FER: variants seen among roughly 807,000 people sequenced by gnomAD.
FER encodes the protein FER tyrosine kinase, also known as tyrosine-protein kinase Fer.
FER carries 63 observed loss-of-function variants against 111.0 expected under a neutral mutation model. That is an observed-to-expected ratio of 0.57 (90% CI 0.46 to 0.70). The LOEUF (loss-of-function observed/expected upper bound fraction) is 0.70, where lower values mean the gene tolerates loss of function less well. Among genes scored for constraint, FER ranks in the 30% least tolerant of loss-of-function variants. FER has a pLI of 0.00. For synonymous variants in FER, 327 were observed against 313.9 expected (o/e 1.04, Z -0.44); for missense variants, 914 against 954.0 (o/e 0.96, Z 0.55).
intron 11 of FER, 137 bp downstream of exon 11, chr5:108,946,359 G>A: frequency 1.9e-6 from 1 of 530,180 alleles, no homozygotes; most frequent in Non-Finnish European, 3.2e-6. Context: ...CTTACAAATG[G>A]AAAGATAAGT....
chr5:109,037,911 A>G (rs559483225), intron 14 of FER, among the ~76,000 whole-genome samples: 6 of 151,970 alleles, frequency 3.9e-5, no homozygotes, highest in Non-Finnish European at 8.8e-5. Flanking sequence ...TCAGGATTGT[A>G]TATAGAATTA....
intron 17 of FER, among the ~76,000 whole-genome samples, chr5:109,158,451 G>C (rs1306063253): frequency 1.3e-5 from 2 of 152,020 alleles, no homozygotes; most frequent in Non-Finnish European, 2.9e-5. Context: ...TAAAGAAGCT[G>C]GGAGTCTGTG....
chr5:108,855,329 G>A (rs1762892544), intron 5 of FER, among the ~76,000 whole-genome samples: 1 of 151,994 alleles, frequency 6.6e-6, no homozygotes, highest in African/African-American at 2.4e-5. Flanking sequence ...GAAATAAAGA[G>A]TTAAAAAGAA....
At chr5:109,141,170 C>A (rs538869277) in intron 17 of FER, among the ~76,000 whole-genome samples, 1 of 152,022 alleles carries the variant, frequency 6.6e-6, no homozygotes, top group Admixed American at 6.6e-5. Flanking sequence ...CTAGGGAGGG[C>A]CTTTTTCAGG....
At chr5:108,769,574 T>C (rs1448054700) in intron 2 of FER, among the ~76,000 whole-genome samples, 1 of 152,044 alleles carries the variant, frequency 6.6e-6, no homozygotes, top group African/African-American at 2.4e-5. Context: ...TGAGGTGAGA[T>C]AGTGATGGCC....
At chr5:108,814,506 C>T (rs185770932) in intron 3 of FER, among the ~76,000 whole-genome samples, 67 of 152,270 alleles carry the variant, frequency 4.4e-4, no homozygotes, top group African/African-American at 1.6e-3. Flanking sequence ...TGCTCTGTTA[C>T]AAGGGTTTGT....
intron 3 of FER, among the ~76,000 whole-genome samples, chr5:108,822,894 A>T (rs1219906347): frequency 6.6e-6 from 1 of 151,620 alleles, no homozygotes; most frequent in Non-Finnish European, 1.5e-5. Context: ...GGTTCAAGTG[A>T]TTCTCCTGCC....
At chr5:108,973,088 T>C (rs1382963597) in intron 13 of FER, among the ~76,000 whole-genome samples, 1 of 152,328 alleles carries the variant, frequency 6.6e-6, no homozygotes, top group African/African-American at 2.4e-5. Context: ...TTCTCTCTGA[T>C]ATTAAAGTGG....
At chr5:109,101,159 T>C (rs962878596) in intron 17 of FER, among the ~76,000 whole-genome samples, 13 of 151,982 alleles carry the variant, frequency 8.6e-5, no homozygotes, top group African/African-American at 2.9e-4. Context: ...AATTGTTTTT[T>C]AGTGCTAAAT....
chr5:108,923,641 A>T (rs1249129607), intron 10 of FER, among the ~76,000 whole-genome samples: 2 of 152,198 alleles, frequency 1.3e-5, no homozygotes, highest in African/African-American at 4.8e-5. Flanking sequence ...ATTATAGAAT[A>T]GGTTATCAAA....
At chr5:109,113,216 C>A (rs1046806610) in intron 17 of FER, among the ~76,000 whole-genome samples, 14 of 152,120 alleles carry the variant, frequency 9.2e-5, no homozygotes, top group Non-Finnish European at 1.3e-4. Context: ...TAAGTCTTTG[C>A]TGAAGTGAAA....
chr5:109,024,888 A>G (rs1316864077), intron 13 of FER, among the ~76,000 whole-genome samples: 1 of 150,888 alleles, frequency 6.6e-6, no homozygotes, highest in East Asian at 1.9e-4. Flanking sequence ...TCCTTTCCCC[A>G]TTGCTTGTTT....
chr5:109,077,314 A>G (rs979656452), intron 16 of FER, among the ~76,000 whole-genome samples: 11 of 152,254 alleles, frequency 7.2e-5, no homozygotes, highest in African/African-American at 9.6e-5. Flanking sequence ...ATCAATCTTG[A>G]TTTTTACCTT....
intron 14 of FER, among the ~76,000 whole-genome samples, chr5:109,042,517 C>G (rs1030947274): frequency 6.6e-6 from 1 of 152,046 alleles, no homozygotes; most frequent in Non-Finnish European, 1.5e-5. Context: ...TGAAGACTGT[C>G]CCCCTGACCA....
chr5:108,880,177 T>A (rs2150276461), intron 8 of FER, among the ~76,000 whole-genome samples: 1 of 152,214 alleles, frequency 6.6e-6, no homozygotes, highest in Non-Finnish European at 1.5e-5. Context: ...TTTAAATGAA[T>A]GATTGAAGTT....
chr5:109,051,213 C>G, intron 16 of FER: 3 of 777,652 alleles, frequency 3.9e-6, no homozygotes, highest in Non-Finnish European at 2.2e-6. Context: ...CTGTTGAATA[C>G]CACCTCCACC....
At chr5:108,818,512 T>G (rs1289060644) in intron 3 of FER, among the ~76,000 whole-genome samples, 1 of 152,116 alleles carries the variant, frequency 6.6e-6, no homozygotes, top group Non-Finnish European at 1.5e-5. Context: ...TTTTTAATAA[T>G]ATTAATATTA....
chr5:108,910,146 C>T (rs1027427526), intron 10 of FER, among the ~76,000 whole-genome samples: 1 of 151,892 alleles, frequency 6.6e-6, no homozygotes, highest in Admixed American at 6.6e-5. Flanking sequence ...ATAAGATATT[C>T]ATAATAGATT....
At chr5:108,800,500 G>A (rs931249415) in intron 3 of FER, among the ~76,000 whole-genome samples, 8 of 152,076 alleles carry the variant, frequency 5.3e-5, no homozygotes, top group African/African-American at 1.4e-4. Flanking sequence ...ATAGGCATGC[G>A]CCACCATAAC....
Sources: allele counts gnomAD v4.1 joint callset (sites outside exome capture counted in the v4.1 genomes callset), GRCh38; gene constraint gnomAD v4.1.1; transcripts MANE v1.5; gene names NCBI Gene and HGNC (gene_info 2026-07-23, HGNC 2026-07-21).